Variants in HERC4 observed in about 807,000 individuals in gnomAD.
The protein encoded by HERC4 is probable E3 ubiquitin-protein ligase HERC4.
A neutral mutation model predicts 124.3 loss-of-function variants in HERC4; 28 were observed. The ratio of observed to expected loss-of-function variants is 0.23; its 90% CI spans 0.17 to 0.31. The LOEUF is 0.31. Among genes scored for constraint, HERC4 ranks in the 10% least tolerant of loss-of-function variants. The pLI, the probability that HERC4 is intolerant of heterozygous loss-of-function variation, is 1.00. For missense variants in HERC4, 713 were observed against 1,229.3 expected (o/e 0.58, Z 6.28); for synonymous variants, 407 against 421.5 (o/e 0.97, Z 0.42).
intron 3 of HERC4, among the ~76,000 whole-genome samples, chr10:68,048,452 GA>G (rs1212828423): frequency 6.6e-6 from 1 of 152,158 alleles, no homozygotes; most frequent in Non-Finnish European, 1.5e-5. Context: ...TGACAAGCTG[GA>G]AAAGACAACG....
At chr10:68,053,081 A>G (rs962369351) in intron 3 of HERC4, among the ~76,000 whole-genome samples, 1 of 152,134 alleles carries the variant, frequency 6.6e-6, no homozygotes, top group Non-Finnish European at 1.5e-5. Context: ...TTTTTATTCT[A>G]GTCTAGCTGG....
chr10:67,946,342 AACACAAACACAC>A (rs1564940191), intron 19 of HERC4, among the ~76,000 whole-genome samples: 1 of 99,488 alleles, frequency 1.0e-5, no homozygotes, highest in African/African-American at 3.9e-5. Context: ...AAATGGATAA[AACACAAACACAC>A]ACACACACAC....
intron 19 of HERC4, among the ~76,000 whole-genome samples, chr10:67,949,679 T>G (rs1278942792): frequency 1.3e-5 from 2 of 152,184 alleles, no homozygotes; most frequent in African/African-American, 4.8e-5. Context: ...ACCAGCATAA[T>G]GTACCATATT....
chr10:68,036,430 T>C (rs1433305400), intron 5 of HERC4, among the ~76,000 whole-genome samples: 3 of 152,150 alleles, frequency 2.0e-5, no homozygotes, highest in Non-Finnish European at 4.4e-5. Context: ...GTAAAACCTT[T>C]GAGTTTAAAT....
At chr10:68,063,189 G>A (rs1410198808) in intron 3 of HERC4, among the ~76,000 whole-genome samples, 3 of 151,740 alleles carry the variant, frequency 2.0e-5, no homozygotes, top group Non-Finnish European at 2.9e-5. Flanking sequence ...TAGAAAGCTT[G>A]TCATACATTT....
In HERC4 at chr10:67,932,621, A is replaced by G. The variant is rs1199566335; in HGVS notation, c.2814T>C (p.Asn938=). ...ELQAMVIGNT[N]YDWKELEKNT... Reference sequence around the variant, plus strand: ...CCTTTTCCAGTTCCTTCCAATCATAATTTGTATTTCCAATGACCATTGCTT... The same window carrying G: ...CCTTTTCCAGTTCCTTCCAATCATAGTTTGTATTTCCAATGACCATTGCTT... Residue 938 remains asparagine (N), a synonymous_variant, in exon 23 of 25, where the codon AAT becomes AAC. Coordinates refer to ENST00000373700, the MANE Select transcript of HERC4 (RefSeq NM_015601.4). 6.2e-7 allele frequency: 1 copy of G among 1,610,800 alleles called. No homozygotes were observed. The highest frequency in any genetic ancestry group is 1.3e-5 in the African/African-American group (1 of 74,630).
intron 5 of HERC4, among the ~76,000 whole-genome samples, chr10:68,035,422 C>T (rs1218554041): frequency 6.6e-6 from 1 of 152,128 alleles, no homozygotes; most frequent in East Asian, 1.9e-4. Context: ...TCCCAAAGTG[C>T]TAAGATTACA....
rs905076982 is a variant in HERC4 at position 67,925,918 on chromosome 10, T to C, written c.2839-731A>G. ...CCTTAATCATGCTTTTAGATGCCTA[T>C]AGCACCAGCCAATATTCTGACTGCA... On this transcript the variant is annotated intron_variant, in intron 23 of 24. Coordinates refer to ENST00000373700, the MANE Select transcript of HERC4 (RefSeq NM_015601.4). Among the ~76,000 whole-genome samples the C allele has an allele frequency of 9.2e-5, 14 of 152,284 alleles. No homozygotes were observed. The Middle Eastern group carries it at 0.014, about 148-fold the overall frequency.
At chr10:67,956,722 T>G in intron 17 of HERC4, 156 bp downstream of exon 17, 5 of 414,974 alleles carry the variant, frequency 1.2e-5, no homozygotes, top group Non-Finnish European at 2.1e-5. Context: ...AATGTTCTCA[T>G]AAGAATATAC....
intron 9 of HERC4, among the ~76,000 whole-genome samples, chr10:67,997,878 C>T (rs1276338429): frequency 1.3e-5 from 2 of 152,030 alleles, no homozygotes; most frequent in East Asian, 1.9e-4. Flanking sequence ...ATTCAATCAA[C>T]CATGCATGGA....
At chr10:68,025,828 A>G in intron 7 of HERC4, 152 bp from the exon 8 acceptor site, 1 of 657,590 alleles carries the variant, frequency 1.5e-6, no homozygotes, top group Non-Finnish European at 2.4e-6. Flanking sequence ...GCTCTTTCAA[A>G]GTAAAATGTC....
At chr10:68,013,198 C>A (rs952678263) in intron 9 of HERC4, among the ~76,000 whole-genome samples, 16 of 152,192 alleles carry the variant, frequency 1.1e-4, no homozygotes, top group Admixed American at 1.3e-4. Context: ...TATACACAGT[C>A]TTTTAAGACA....
At chr10:68,000,369 G>T (rs1015677606) in intron 9 of HERC4, among the ~76,000 whole-genome samples, 4 of 152,076 alleles carry the variant, frequency 2.6e-5, no homozygotes, top group Admixed American at 2.6e-4. Context: ...CTTGAGCTCA[G>T]AAATTGGAGA....
intron 3 of HERC4, among the ~76,000 whole-genome samples, chr10:68,052,183 T>C (rs773237216): frequency 1.3e-5 from 2 of 152,140 alleles, no homozygotes; most frequent in Non-Finnish European, 2.9e-5. Context: ...AAAGATAAAG[T>C]GCTAGACAGA....
intron 21 of HERC4, among the ~76,000 whole-genome samples, chr10:67,937,845 C>A (rs1479800036): frequency 6.6e-6 from 1 of 151,822 alleles, no homozygotes; most frequent in Non-Finnish European, 1.5e-5. Flanking sequence ...CCATGCCTGG[C>A]TCATTTTTGT....
In HERC4 at chr10:68,059,691, TATATTATA is replaced by T. The variant is rs1337742245; in HGVS notation, c.226+13184_226+13191del. Among the ~76,000 whole-genome samples, 8 of 70,570 alleles carry T rather than the reference TATATTATA, an allele frequency of 1.1e-4. 2 individuals carry two copies. The highest frequency in any genetic ancestry group is 2.3e-4 in the Admixed American group (1 of 4,416). 46.3% of individuals were successfully genotyped at this position (70,570 alleles called of 152,430 possible). A position where few individuals can be genotyped will look rare whatever the true frequency, so the allele number is the denominator to read the frequency against. ...TATTATATTATATATCATAATATTA[TATATTATA>T]ATATTATATATCATAATATTATATA... On this transcript the variant is annotated intron_variant, in intron 3 of 24. Transcript: ENST00000373700.
rs534801211 is a variant in HERC4, at chr10:68,011,317, A to G, written c.1069+2709T>C. ...TCCTCTCACTTCACAAATGTTCTTA[A>G]CAGTAACTGGAATGGTGAATTCTTT... is the stretch of plus-strand genomic sequence containing the variant. On this transcript the variant is annotated intron_variant, in intron 9 of 24. Transcript: ENST00000373700. Among the ~76,000 whole-genome samples, 42 of 152,304 alleles carry G rather than the reference A, an allele frequency of 2.8e-4. 1 individual carries two copies. The highest frequency in any genetic ancestry group is 9.9e-4 in the African/African-American group (41 of 41,536).
At chr10:67,974,582 TAA>T (rs2035468704) in intron 15 of HERC4, among the ~76,000 whole-genome samples, 1 of 152,140 alleles carries the variant, frequency 6.6e-6, no homozygotes, top group South Asian at 2.1e-4. Context: ...AGATAAAACT[TAA>T]GAGATATTGC....
intron 2 of HERC4, 84 bp from the exon 3 acceptor site, chr10:68,073,270 G>A: frequency 3.4e-6 from 2 of 591,294 alleles, no homozygotes; most frequent in Non-Finnish European, 3.0e-6. Flanking sequence ...TACAATAATT[G>A]CTACATGGTA....
Sources: gnomAD v4.1 joint callset for allele counts (sites outside exome capture counted in the v4.1 genomes callset) on GRCh38, gnomAD v4.1.1 for gene constraint, MANE v1.5 for transcripts, NCBI Gene and HGNC (gene_info 2026-07-23, HGNC 2026-07-21) for gene names.